The following TYW1 variants were observed in gnomAD, a reference collection of about 807,000 sequenced individuals.
TYW1 encodes S-adenosyl-L-methionine-dependent tRNA 4-demethylwyosine synthase TYW1.
TYW1 carries 46 observed loss-of-function variants against 96.2 expected under a neutral mutation model. The observed-to-expected ratio is 0.48, with a 90% CI of 0.38 to 0.61. TYW1 has a LOEUF of 0.61. Among genes scored for constraint, TYW1 ranks in the 20% least tolerant of loss-of-function variants. TYW1 has a pLI of 0.00. For synonymous variants in TYW1, 274 were observed against 323.0 expected (o/e 0.85, Z 1.63); for missense variants, 684 against 909.6 (o/e 0.75, Z 3.19).
At chr7:67,132,752 T>C (rs776120082) in intron 13 of TYW1, among the ~76,000 whole-genome samples, 6 of 152,178 alleles carry the variant, frequency 3.9e-5, no homozygotes, top group Non-Finnish European at 7.3e-5. Context: ...TGTTTTTCTT[T>C]TGTTTGATAT....
At chr7:67,117,979 C>T (rs1448362735) in intron 13 of TYW1, among the ~76,000 whole-genome samples, 2 of 152,136 alleles carry the variant, frequency 1.3e-5, no homozygotes, top group African/African-American at 4.8e-5. Context: ...GAAGATTGGT[C>T]GTAGGACTCC....
chr7:67,195,677 C>CCCCATATGAGTTTCTAA lies in TYW1; in HGVS notation c.1977+356_1977+357insACCCATATGAGTTTCTA, dbSNP rs1429668863. On this transcript the variant is annotated intron_variant, in intron 15 of 15. Coordinates refer to ENST00000359626, the MANE Select transcript of TYW1 (RefSeq NM_018264.4). The stretch of plus-strand genomic sequence containing the variant: ...GGGAAAAGCTAAAATAGTAAATAGT[C>CCCCATATGAGTTTCTAA]CCCATATGAGTTTCTAGCTGTCAGA... Among the ~76,000 whole-genome samples the CCCCATATGAGTTTCTAA allele has an allele frequency of 6.6e-5, 10 of 152,232 alleles. No homozygotes were observed. The Middle Eastern group carries it at 0.01, about 156-fold the overall frequency.
chr7:67,028,168 G>A (rs1170010672), intron 7 of TYW1, among the ~76,000 whole-genome samples: 1 of 151,706 alleles, frequency 6.6e-6, no homozygotes, highest in African/African-American at 2.4e-5. Flanking sequence ...GAACCCTGGC[G>A]GCAGAGGTTG....
intron 13 of TYW1, among the ~76,000 whole-genome samples, chr7:67,122,322 C>T (rs573762200): frequency 2.6e-5 from 4 of 152,242 alleles, no homozygotes; most frequent in East Asian, 1.9e-4. Context: ...TCCATTGCTA[C>T]GAGGGGCTTA....
At position 67,179,930 on chromosome 7, in the gene TYW1, T is replaced by C. The variant is rs112868217; in HGVS notation, c.1699-3196T>C. 1.0e-4 allele frequency among the ~76,000 whole-genome samples: 13 copies of C among 124,376 alleles called. 3 individuals are homozygous for C. Among genetic ancestry groups the C allele is most frequent in the African/African-American group, 4.7e-4 (13 of 27,458 alleles). The allele number at this position is 124,376 out of a possible 152,430, so 81.6% of individuals were successfully genotyped here. A position where few individuals can be genotyped will look rare whatever the true frequency, so the allele number is the denominator to read the frequency against. On this transcript the variant is annotated intron_variant, in intron 13 of 15. Transcript: ENST00000359626. Reference sequence around the variant, plus strand: ...CCCAGGCTGGAGTGCGTTGGTGTGATCATGGCTCACGGCAGCCTCCACCTC... The same window carrying C: ...CCCAGGCTGGAGTGCGTTGGTGTGACCATGGCTCACGGCAGCCTCCACCTC...
intron 13 of TYW1, among the ~76,000 whole-genome samples, chr7:67,124,338 A>G (rs750774590): frequency 1.3e-5 from 2 of 152,114 alleles, no homozygotes; most frequent in Admixed American, 1.3e-4. Flanking sequence ...GACTCAAGCA[A>G]TCCTCCTGCC....
At chr7:67,128,689 TG>T (rs904969427) in intron 13 of TYW1, among the ~76,000 whole-genome samples, 3 of 127,378 alleles carry the variant, frequency 2.4e-5, no homozygotes, top group Non-Finnish European at 3.3e-5. Context: ...TAGGTCTCAG[TG>T]TTTTTTTTTT....
intron 12 of TYW1, among the ~76,000 whole-genome samples, chr7:67,114,868 G>A (rs1311949547): frequency 6.6e-6 from 1 of 152,054 alleles, no homozygotes; most frequent in Non-Finnish European, 1.5e-5. Flanking sequence ...GTAATTCCTG[G>A]GGACCTTTTC....
chr7:67,218,359 ATT>A (rs59668382), intron 15 of TYW1, among the ~76,000 whole-genome samples: 40,021 of 146,956 alleles, frequency 0.27, 5,650 homozygotes, highest in African/African-American at 0.36. Flanking sequence ...ATATTTATTT[ATT>A]TTTTTTTTTT....
chr7:67,032,452 C>G (rs1477813891), intron 7 of TYW1, among the ~76,000 whole-genome samples: 3 of 152,074 alleles, frequency 2.0e-5, no homozygotes, highest in Non-Finnish European at 4.4e-5. Flanking sequence ...AACCCTGTCT[C>G]TACCAAAAAT....
chr7:67,158,190 G>A (rs778115049), intron 13 of TYW1, among the ~76,000 whole-genome samples: 7 of 146,936 alleles, frequency 4.8e-5, no homozygotes, highest in Non-Finnish European at 8.9e-5. Flanking sequence ...CTGGGTTCAT[G>A]TGATTCTCCT....
At chr7:67,139,671 G>A (rs1798380467) in intron 13 of TYW1, among the ~76,000 whole-genome samples, 1 of 151,388 alleles carries the variant, frequency 6.6e-6, no homozygotes, top group Non-Finnish European at 1.5e-5. Context: ...ATCTCCAGAT[G>A]CTGAAGGAAC....
At chr7:67,215,878 A>G (rs2116404257) in intron 15 of TYW1, among the ~76,000 whole-genome samples, 1 of 152,098 alleles carries the variant, frequency 6.6e-6, no homozygotes, top group South Asian at 2.1e-4. Context: ...CTTTATATTC[A>G]CTGGAAACTG....
chr7:67,070,278 C>T (rs1283845293), intron 10 of TYW1, among the ~76,000 whole-genome samples: 3 of 152,166 alleles, frequency 2.0e-5, no homozygotes, highest in Non-Finnish European at 4.4e-5. Context: ...AAGTCTTCTA[C>T]CAAATTTGGG....
At chr7:67,128,507 G>T (rs1167788875) in intron 13 of TYW1, among the ~76,000 whole-genome samples, 1 of 152,066 alleles carries the variant, frequency 6.6e-6, no homozygotes, top group Non-Finnish European at 1.5e-5. Context: ...GTCAGAGCCT[G>T]GTTTGGATCC....
intron 12 of TYW1, among the ~76,000 whole-genome samples, chr7:67,110,671 G>A (rs1797376084): frequency 6.6e-6 from 1 of 152,098 alleles, no homozygotes; most frequent in South Asian, 2.1e-4. Flanking sequence ...ACAAACCTGG[G>A]TTGAGAGGTA....
chr7:67,182,182 T>G (rs1205658719), intron 13 of TYW1, among the ~76,000 whole-genome samples: 5 of 152,220 alleles, frequency 3.3e-5, no homozygotes, highest in Non-Finnish European at 7.3e-5. Flanking sequence ...TTTGAATTTT[T>G]AATCATTTGT....
At chr7:67,112,351 CATGCCTGTA>C (rs1369364586) in intron 12 of TYW1, among the ~76,000 whole-genome samples, 1 of 152,052 alleles carries the variant, frequency 6.6e-6, no homozygotes, top group Non-Finnish European at 1.5e-5. Flanking sequence ...CACAGTGGCT[CATGCCTGTA>C]ATCCCAGTAC....
At chr7:67,130,896 C>T (rs981369462) in intron 13 of TYW1, among the ~76,000 whole-genome samples, 1 of 152,104 alleles carries the variant, frequency 6.6e-6, no homozygotes, top group Non-Finnish European at 1.5e-5. Flanking sequence ...GTTGGTGTGA[C>T]TGCTTATTTA....
Sources: gnomAD v4.1 joint callset for allele counts (sites outside exome capture counted in the v4.1 genomes callset) on GRCh38, gnomAD v4.1.1 for gene constraint, MANE v1.5 for transcripts, NCBI Gene and HGNC (gene_info 2026-07-23, HGNC 2026-07-21) for gene names.